SRGAP3: variants seen among roughly 807,000 people sequenced by gnomAD.
SRGAP3 encodes the protein SLIT-ROBO Rho GTPase activating protein 3, also known as SLIT-ROBO Rho GTPase-activating protein 3.
Under a neutral mutation model 121.1 loss-of-function variants are expected in SRGAP3, and 39 were observed. That is an observed-to-expected ratio of 0.32 (90% CI 0.25 to 0.42). SRGAP3 has a LOEUF of 0.42. Among genes scored for constraint, SRGAP3 ranks in the 10% least tolerant of loss-of-function variants. The pLI, the probability that SRGAP3 is intolerant of heterozygous loss-of-function variation, is 1.00. For missense variants in SRGAP3, 1,213 were observed against 1,470.6 expected (o/e 0.82, Z 2.86); for synonymous variants, 601 against 570.0 (o/e 1.05, Z -0.77).
intron 1 of SRGAP3, among the ~76,000 whole-genome samples, chr3:9,161,844 T>A (rs569328141): frequency 2.0e-5 from 3 of 152,268 alleles, no homozygotes; most frequent in Admixed American, 2.0e-4. Context: ...GCAGCCAAAT[T>A]TTTTTTCAAG....
chr3:9,247,357 G>T (rs1203689997), intron 1 of SRGAP3, among the ~76,000 whole-genome samples: 1 of 152,196 alleles, frequency 6.6e-6, no homozygotes, highest in Non-Finnish European at 1.5e-5. Context: ...CCAAAGACAG[G>T]AGACCAGGGA....
intron 3 of SRGAP3, among the ~76,000 whole-genome samples, chr3:9,294,098 T>C (rs893017769): frequency 2.0e-5 from 3 of 152,108 alleles, no homozygotes; most frequent in Admixed American, 6.6e-5. Context: ...CCATCAATGA[T>C]AGACTGGGTA....
chr3:8,993,235 A>C (rs1334171395), intron 19 of SRGAP3, among the ~76,000 whole-genome samples, 180 bp from the exon 20 acceptor site: 2 of 151,844 alleles, frequency 1.3e-5, no homozygotes, highest in Non-Finnish European at 2.9e-5. Context: ...CCATTGCAAC[A>C]CTCCTGGTCA....
At chr3:9,063,481 C>T (rs1946276131) in intron 5 of SRGAP3, among the ~76,000 whole-genome samples, 1 of 151,450 alleles carries the variant, frequency 6.6e-6, no homozygotes. Flanking sequence ...TTTTTAAGAG[C>T]AACATCTATT....
intron 18 of SRGAP3, among the ~76,000 whole-genome samples, chr3:8,999,951 A>C (rs966102298): frequency 6.6e-6 from 1 of 152,236 alleles, no homozygotes; most frequent in Non-Finnish European, 1.5e-5. Context: ...AGAAACATCT[A>C]TTCAAGAAAA....
rs184635159 is a variant in SRGAP3, at chr3:9,227,846, G to A, written c.67+21039C>T. Among the ~76,000 whole-genome samples, 16 of 152,274 alleles carry A rather than the reference G, an allele frequency of 1.1e-4. No individual in the cohort carries two copies. The East Asian group carries it at 3.1e-3, about 29-fold the overall frequency. On this transcript the variant is annotated intron_variant, in intron 1 of 21. Coordinates refer to ENST00000383836, the MANE Select transcript of SRGAP3 (RefSeq NM_014850.4). ...AATACAGCAGCACTTCTTGTTGGGGGAGAGTATCCTGCCCTTGAGTAAAAC... is the reference window on the plus strand; with the variant it reads ...AATACAGCAGCACTTCTTGTTGGGGAAGAGTATCCTGCCCTTGAGTAAAAC...
chr3:9,257,698 C>G (rs1403726763), intron 3 of SRGAP3, among the ~76,000 whole-genome samples: 1 of 73,202 alleles, frequency 1.4e-5, no homozygotes, highest in Admixed American at 2.2e-4. Flanking sequence ...AAAATAGCTC[C>G]TTTTTTTTTT....
intron 3 of SRGAP3, among the ~76,000 whole-genome samples, chr3:9,088,233 T>C (rs572521999): frequency 6.6e-6 from 1 of 152,312 alleles, no homozygotes; most frequent in South Asian, 2.1e-4. Context: ...GGCAGGCTGC[T>C]TCCTTCATGC....
chr3:9,205,219 T>C (rs1032979700), intron 1 of SRGAP3, among the ~76,000 whole-genome samples: 1 of 152,220 alleles, frequency 6.6e-6, no homozygotes, highest in African/African-American at 2.4e-5. Flanking sequence ...TAAAAAGGGG[T>C]AAAATTAATG....
At chr3:9,353,655 T>C (rs759779173) in intron 1 of SRGAP3, among the ~76,000 whole-genome samples, 2 of 152,232 alleles carry the variant, frequency 1.3e-5, no homozygotes, top group South Asian at 2.1e-4. Context: ...CCAAAGCTGA[T>C]TGTATTTCCC....
At chr3:9,301,949 A>T (rs1955065666) in intron 3 of SRGAP3, among the ~76,000 whole-genome samples, 1 of 152,228 alleles carries the variant, frequency 6.6e-6, no homozygotes, top group African/African-American at 2.4e-5. Context: ...GGGGTGAGTG[A>T]ATAGGCGAGG....
Position 9,200,147 on chromosome 3 carries a change from G to A in SRGAP3, c.67+48738C>T, listed in dbSNP as rs146085875. ...AGCTACAGCCAAGAAGGTAAACTGTGTCCCATGAGGACTCATACCATGAGC... is the reference window on the plus strand; with the variant it reads ...AGCTACAGCCAAGAAGGTAAACTGTATCCCATGAGGACTCATACCATGAGC... On this transcript the variant is annotated intron_variant, in intron 1 of 21. Transcript: ENST00000383836. 5.3e-5 allele frequency among the ~76,000 whole-genome samples: 8 copies of A among 152,254 alleles called. 1 individual carries two copies. Among genetic ancestry groups the A allele is most frequent in the African/African-American group, 1.9e-4 (8 of 41,536 alleles).
At chr3:9,354,681 CAAAAA>C (rs34026081) in intron 1 of SRGAP3, among the ~76,000 whole-genome samples, 1 of 70,816 alleles carries the variant, frequency 1.4e-5, no homozygotes. Context: ...GACTCCATCT[CAAAAA>C]AAAAAAAAAA....
rs182808698 is a variant in SRGAP3 at position 9,149,153 on chromosome 3, G to A, written c.68-24236C>T. Among the ~76,000 whole-genome samples the A allele has an allele frequency of 1.7e-4, 26 of 150,634 alleles. No homozygotes were observed. The East Asian group carries it at 4.9e-3, about 28-fold the overall frequency. ...CGCTTGAAGCCGGGAGGCGGAGGTT[G>A]CAGTGAGCCGAGATCGCGCCACTGC... is the stretch of plus-strand genomic sequence containing the variant. On this transcript the variant is annotated intron_variant, in intron 1 of 21. Coordinates refer to ENST00000383836, the MANE Select transcript of SRGAP3 (RefSeq NM_014850.4).
intron 3 of SRGAP3, among the ~76,000 whole-genome samples, chr3:9,096,887 TTATTATA>T (rs1947988460): frequency 7.1e-6 from 1 of 141,578 alleles, no homozygotes; most frequent in African/African-American, 2.6e-5. Context: ...ATATAATATA[TTATTATA>T]TATTATATAT....
chr3:9,047,262 G>A, intron 10 of SRGAP3, 129 bp downstream of exon 10: 1 of 922,916 alleles, frequency 1.1e-6, no homozygotes, highest in South Asian at 1.4e-5. Context: ...GCCCAGTCCT[G>A]GTAAGTCCAG....
At chr3:9,211,260 T>C (rs546557884) in intron 1 of SRGAP3, among the ~76,000 whole-genome samples, 42 of 152,318 alleles carry the variant, frequency 2.8e-4, no homozygotes, top group Non-Finnish European at 4.9e-4. Context: ...TACAGCCTAG[T>C]CCCAGCTGAA....
chr3:9,105,087 T>A (rs192612524), intron 2 of SRGAP3, among the ~76,000 whole-genome samples: 1 of 152,356 alleles, frequency 6.6e-6, no homozygotes, highest in East Asian at 1.9e-4. Flanking sequence ...TAGCACTGAA[T>A]GTGGTGCTTG....
At chr3:9,002,252 A>G (rs1942814347) in intron 18 of SRGAP3, among the ~76,000 whole-genome samples, 1 of 152,246 alleles carries the variant, frequency 6.6e-6, no homozygotes, top group Admixed American at 6.5e-5. Flanking sequence ...TTTCTTCTAT[A>G]GAAGAAGTTT....
Sources: allele counts gnomAD v4.1 joint callset (sites outside exome capture counted in the v4.1 genomes callset), GRCh38; gene constraint gnomAD v4.1.1; transcripts MANE v1.5; gene names NCBI Gene and HGNC (gene_info 2026-07-23, HGNC 2026-07-21).